SLC35F3: variants seen among roughly 807,000 people sequenced by gnomAD.
The protein encoded by SLC35F3 is solute carrier family 35 member F3.
A neutral mutation model predicts 49.9 loss-of-function variants in SLC35F3; 25 were observed. The observed-to-expected ratio is 0.50, with a 90% confidence interval of 0.37 to 0.70. The LOEUF (loss-of-function observed/expected upper bound fraction) is 0.70, where lower values mean the gene tolerates loss of function less well. SLC35F3 is among the 30% of genes least tolerant of loss of function. The probability of loss-of-function intolerance (pLI) is 0.00; values close to 1 mark genes in which losing one functional copy is unlikely to be tolerated. For synonymous variants in SLC35F3, 275 were observed against 265.4 expected (o/e 1.04, Z -0.35); for missense variants, 525 against 639.8 (o/e 0.82, Z 1.94).
chr1:234,107,768 AGAC>A (rs1665306741), intron 2 of SLC35F3, among the ~76,000 whole-genome samples: 1 of 152,202 alleles, frequency 6.6e-6, no homozygotes, highest in African/African-American at 2.4e-5. Flanking sequence ...AAGCATTAAA[AGAC>A]AGCTCGCAGA....
chr1:234,167,489 C>A (rs1666337402), intron 2 of SLC35F3, among the ~76,000 whole-genome samples: 2 of 152,162 alleles, frequency 1.3e-5, no homozygotes, highest in African/African-American at 4.8e-5. Context: ...CATGACAAGT[C>A]AATCAAAATG....
At chr1:233,958,463 C>T (rs1006665224) in intron 2 of SLC35F3, among the ~76,000 whole-genome samples, 1 of 152,166 alleles carries the variant, frequency 6.6e-6, no homozygotes, top group African/African-American at 2.4e-5. Context: ...TTATTTATAC[C>T]TATGAGGTCT....
chr1:234,239,984 T>C (rs1667528846), intron 3 of SLC35F3, among the ~76,000 whole-genome samples: 1 of 130,644 alleles, frequency 7.7e-6, no homozygotes, highest in South Asian at 2.5e-4. Context: ...TGAACAAAAT[T>C]AAACACGATG....
At position 234,324,021 on chromosome 1, in the gene SLC35F3, ACT is replaced by A. The variant is rs780297271; in HGVS notation, c.*783_*784del. 1.3e-5 allele frequency: 2 copies of A among 152,160 alleles called. No homozygotes were observed. The highest frequency in any genetic ancestry group is 6.6e-5 in the Admixed American group (1 of 15,266). The allele number at this position is 152,160 out of a possible 1,614,324, so 9.4% of individuals were successfully genotyped here. On this transcript the variant is annotated 3_prime_UTR_variant, in exon 8 of 8. Coordinates refer to ENST00000366618, the MANE Select transcript of SLC35F3 (RefSeq NM_173508.4). The stretch of plus-strand genomic sequence containing the variant: ...GTAAAAATCTTTAGAAACAAATAAA[ACT>A]CTCTATATATGTGTATGTCTGTGTA...
At chr1:234,309,643 C>T (rs1296727062) in intron 4 of SLC35F3, among the ~76,000 whole-genome samples, 3 of 152,256 alleles carry the variant, frequency 2.0e-5, no homozygotes, top group Non-Finnish European at 4.4e-5. Context: ...GTGCTCACCC[C>T]GTCTCTCATG....
chr1:234,139,158 A>G lies in SLC35F3; in HGVS notation c.284-92259A>G, dbSNP rs962016451. On this transcript the variant is annotated intron_variant, in intron 2 of 7. Coordinates refer to ENST00000366618, the MANE Select transcript of SLC35F3 (RefSeq NM_173508.4). ...CTCTTTATGTCCTTCTAACAACCCT[A>G]TATGATTCCCAAAGTGGCCATTTCT... Among the ~76,000 whole-genome samples the G allele has an allele frequency of 2.6e-5, 4 of 152,194 alleles. No homozygotes were observed. The East Asian group carries it at 5.8e-4, about 22-fold the overall frequency.
intron 3 of SLC35F3, among the ~76,000 whole-genome samples, chr1:234,267,672 G>A (rs1346909247): frequency 1.3e-5 from 2 of 151,376 alleles, no homozygotes; most frequent in South Asian, 2.1e-4. Context: ...GGCGGCTGCC[G>A]GGCGGAGACG....
At chr1:234,076,549 C>T (rs992759475) in intron 2 of SLC35F3, among the ~76,000 whole-genome samples, 9 of 151,730 alleles carry the variant, frequency 5.9e-5, no homozygotes, top group Admixed American at 1.3e-4. Context: ...GCAACCTCCA[C>T]CTCCCAGGTT....
chr1:234,124,915 T>A (rs977228291), intron 2 of SLC35F3, among the ~76,000 whole-genome samples: 4 of 152,338 alleles, frequency 2.6e-5, no homozygotes, highest in Non-Finnish European at 4.4e-5. Flanking sequence ...TGTCTATGTG[T>A]ACACGCATGT....
chr1:234,318,681 C>T (rs1378201021), intron 5 of SLC35F3, 70 bp from the exon 6 acceptor site: 2 of 1,399,398 alleles, frequency 1.4e-6, no homozygotes, highest in Non-Finnish European at 2.0e-6. Context: ...GGAGTGAACT[C>T]TGCTTTGCTT....
In SLC35F3 at chr1:233,962,474, C is replaced by T. The variant is rs76313045; in HGVS notation, c.283+56716C>T. On this transcript the variant is annotated intron_variant, in intron 2 of 7. Coordinates refer to ENST00000366618, the MANE Select transcript of SLC35F3 (RefSeq NM_173508.4). ...ATTTATTGAATTCCAATGTGCCTTACACTAATTGCCAGGCATGCAAAATTA... is the reference window on the plus strand; with the variant it reads ...ATTTATTGAATTCCAATGTGCCTTATACTAATTGCCAGGCATGCAAAATTA... 1.2e-3 allele frequency among the ~76,000 whole-genome samples: 188 copies of T among 152,328 alleles called. 5 individuals are homozygous for T. In the East Asian group the frequency reaches 0.03, roughly 24 times the overall value.
intron 2 of SLC35F3, among the ~76,000 whole-genome samples, chr1:234,123,245 G>A (rs546258183): frequency 6.6e-6 from 1 of 152,104 alleles, no homozygotes; most frequent in Non-Finnish European, 1.5e-5. Flanking sequence ...TTTCATGTTT[G>A]TTGGCCACAT....
In SLC35F3 at chr1:234,046,347, G is replaced by A. The variant is rs1374388079; in HGVS notation, c.283+140589G>A. ...TATGAAGTGGATGGTATCTTTTTAT[G>A]GTTTTATTGAGTAATTTTCTGCTTT... On this transcript the variant is annotated intron_variant, in intron 2 of 7. Transcript: ENST00000366618. The surrounding 1 kb of genome is among the most constrained non-coding windows in gnomAD (Gnocchi z 4.4). Among the ~76,000 whole-genome samples the A allele has an allele frequency of 6.6e-6, 1 of 151,996 alleles. No homozygotes were observed. Among genetic ancestry groups the A allele is most frequent in the Non-Finnish European group, 1.5e-5 (1 of 67,956 alleles).
chr1:234,246,670 T>C (rs1667635993), intron 3 of SLC35F3, among the ~76,000 whole-genome samples: 1 of 152,150 alleles, frequency 6.6e-6, no homozygotes. Flanking sequence ...GACAACACAG[T>C]CATGTATAAC....
At chr1:234,167,932 C>T (rs936248809) in intron 2 of SLC35F3, among the ~76,000 whole-genome samples, 5 of 152,194 alleles carry the variant, frequency 3.3e-5, no homozygotes, top group African/African-American at 1.2e-4. Flanking sequence ...GATTGTGAAT[C>T]TTTTTCTTTG....
intron 2 of SLC35F3, among the ~76,000 whole-genome samples, chr1:234,084,813 G>GAT (rs34515048): frequency 0.12 from 17,528 of 152,112 alleles, 2,604 homozygotes; most frequent in East Asian, 0.8. Context: ...ACACTGACTG[G>GAT]ATGTATTGTA....
chr1:233,905,551 G>A lies in SLC35F3; in HGVS notation c.76G>A (p.Val26Ile), dbSNP rs1571973028. The part of the protein sequence containing the change: ...IAVGMRRSPD[V>I]SPRRLSDISP... Reference sequence around the variant, plus strand: ...CAGTGGCATGAGGAGGTCACCGGACGTCAGCCCCCGGAGACTGTCCGACAT... The same window carrying A: ...CAGTGGCATGAGGAGGTCACCGGACATCAGCCCCCGGAGACTGTCCGACAT... Residue 26 changes from valine to isoleucine, a missense_variant, in exon 2 of 8, where the codon GTC becomes ATC. Physicochemically the swap from Val to Ile is conservative, Grantham distance 29. Around this residue, in one of 4 missense-constraint regions of SLC35F3, gnomAD observed 228 missense variants for 218.9 expected, o/e 1.04. Transcript: ENST00000366618. The A allele has an allele frequency of 6.2e-7, 1 of 1,613,800 alleles. No individual in the cohort carries two copies. Among genetic ancestry groups the A allele is most frequent in the Non-Finnish European group, 8.5e-7 (1 of 1,179,888 alleles).
intron 2 of SLC35F3, among the ~76,000 whole-genome samples, chr1:234,194,754 T>C (rs1038602999): frequency 6.6e-6 from 1 of 152,146 alleles, no homozygotes; most frequent in Non-Finnish European, 1.5e-5. Context: ...TACAGTGATA[T>C]TGGAGGAGGT....
At chr1:234,123,834 G>T (rs191738762) in intron 2 of SLC35F3, among the ~76,000 whole-genome samples, 2 of 152,334 alleles carry the variant, frequency 1.3e-5, no homozygotes, top group East Asian at 1.9e-4. Flanking sequence ...CTTCAGGCCT[G>T]CAGCTCTGGG....
Sources: allele counts gnomAD v4.1 joint callset (sites outside exome capture counted in the v4.1 genomes callset), GRCh38; gene constraint gnomAD v4.1.1; regional missense constraint gnomAD v4.1.1; non-coding constraint Gnocchi (gnomAD v3.1); transcripts MANE v1.5; gene names NCBI Gene and HGNC (gene_info 2026-07-23, HGNC 2026-07-21).